The following MYCT1 variants were observed in gnomAD, a reference collection of about 807,000 sequenced individuals.
MYCT1 encodes the protein myc target protein 1.
A neutral mutation model predicts 15.0 loss-of-function variants in MYCT1; 12 were observed. The ratio of observed to expected loss-of-function variants is 0.80; its 90% CI spans 0.51 to 1.29. The LOEUF is 1.29. MYCT1 is among the 50% of genes most tolerant of loss of function. The pLI is 0.00. For synonymous variants in MYCT1, 104 were observed against 102.7 expected, an observed-to-expected ratio of 1.01 and a Z score of -0.07; for missense variants, 287 against 279.1, an observed-to-expected ratio of 1.03 and a Z score of -0.20.
At chr6:152,738,715 C>T in the MYCT1 span, among the ~76,000 whole-genome samples, 2,196 of 151,964 alleles carry the variant, frequency 0.014, 56 homozygotes, top group African/African-American at 0.05. Flanking sequence ...TTAAAAGAAA[C>T]AAAACAACCC....
At position 152,722,853 on chromosome 6, in the gene MYCT1, C is replaced by T. The variant is rs909172778; in HGVS notation, c.*600C>T. On this transcript the variant is annotated 3_prime_UTR_variant, in exon 2 of 2. Coordinates refer to ENST00000367245, the MANE Select transcript of MYCT1 (RefSeq NM_025107.3). ...TCCCAGGCTCAAGTAATCCTCCCAT[C>T]TTAGTGCCCCAAGTAGCTGGGACTA... 6 of 271,958 alleles carry T rather than the reference C, an allele frequency of 2.2e-5. No homozygotes were observed. Among genetic ancestry groups the T allele is most frequent in the African/African-American group, 1.1e-4 (5 of 44,050 alleles). 16.8% of individuals were successfully genotyped at this position (271,958 alleles called of 1,614,324 possible).
the MYCT1 span, among the ~76,000 whole-genome samples, chr6:152,738,804 T>C: frequency 6.6e-6 from 1 of 152,096 alleles, no homozygotes; most frequent in Non-Finnish European, 1.5e-5. Flanking sequence ...ACTGTTTTAA[T>C]GGTGAAAGAA....
In MYCT1 at chr6:152,722,424, C is replaced by T. The variant is rs2099724881; in HGVS notation, c.*171C>T. 1.6e-6 allele frequency: 1 copy of T among 612,748 alleles called. No homozygotes were observed. The allele number at this position is 612,748 out of a possible 1,614,324, so 38.0% of individuals were successfully genotyped here. On this transcript the variant is annotated 3_prime_UTR_variant, in exon 2 of 2. Transcript: ENST00000367245. ...CAATGTAAAACACATTTTCTTCAAA[C>T]ACGTTTTCCCTTTTGTTTCAAAAAA...
At chr6:152,731,956 C>T in the MYCT1 span, among the ~76,000 whole-genome samples, 2 of 151,990 alleles carry the variant, frequency 1.3e-5, no homozygotes, top group Non-Finnish European at 2.9e-5. Flanking sequence ...ACCATGTGGC[C>T]TCGGCTGCAG....
chr6:152,730,430 C>T, the MYCT1 span, among the ~76,000 whole-genome samples: 1 of 152,226 alleles, frequency 6.6e-6, no homozygotes, highest in African/African-American at 2.4e-5. Context: ...AGACATTGTA[C>T]TCCGCACAAT....
intron 1 of MYCT1, among the ~76,000 whole-genome samples, chr6:152,712,733 T>A (rs1034674955): frequency 2.6e-4 from 39 of 152,172 alleles, no homozygotes; most frequent in East Asian, 3.8e-4. Flanking sequence ...ACAGCTTTTT[T>A]AAAATCACTT....
intron 1 of MYCT1, among the ~76,000 whole-genome samples, chr6:152,717,253 T>C (rs751254006): frequency 6.6e-6 from 1 of 152,200 alleles, no homozygotes; most frequent in Non-Finnish European, 1.5e-5. Context: ...ATTTCTACAT[T>C]TGCCTTTGCT....
intron 1 of MYCT1, among the ~76,000 whole-genome samples, chr6:152,701,473 G>A (rs1474184635): frequency 1.3e-5 from 2 of 152,238 alleles, no homozygotes; most frequent in Non-Finnish European, 2.9e-5. Context: ...CAGCGTGAAA[G>A]TTTGATCTAA....
At chr6:152,736,259 A>G in the MYCT1 span, among the ~76,000 whole-genome samples, 1 of 152,202 alleles carries the variant, frequency 6.6e-6, no homozygotes, top group Non-Finnish European at 1.5e-5. Context: ...GAATTTTATC[A>G]TAAAAAGGAT....
At chr6:152,717,783 C>A (rs1311802440) in intron 1 of MYCT1, among the ~76,000 whole-genome samples, 2 of 152,056 alleles carry the variant, frequency 1.3e-5, no homozygotes, top group East Asian at 3.9e-4. Context: ...ATTTTACTGA[C>A]TTTATGGATT....
chr6:152,739,285 C>T, the MYCT1 span, among the ~76,000 whole-genome samples: 3 of 151,186 alleles, frequency 2.0e-5, no homozygotes, highest in Admixed American at 2.0e-4. Flanking sequence ...AAATTATAAT[C>T]TGCAATCAAT....
chr6:152,713,445 T>C (rs968970434), intron 1 of MYCT1, among the ~76,000 whole-genome samples: 7 of 152,152 alleles, frequency 4.6e-5, no homozygotes, highest in African/African-American at 1.7e-4. Context: ...TGTTTCTTCA[T>C]GTGCCCAGTA....
In MYCT1 at chr6:152,722,171, C is replaced by G. The variant is rs141121873; in HGVS notation, c.626C>G (p.Ser209Cys). The G allele has an allele frequency of 2.2e-5, 36 of 1,614,162 alleles. No homozygotes were observed. In the East Asian group the frequency reaches 7.6e-4, roughly 34 times the overall value. The change falls in exon 2 of 2, where the codon TCC (serine) becomes TGC (cysteine). Residue 209 changes from serine to cysteine, a missense_variant. Coordinates refer to ENST00000367245, the MANE Select transcript of MYCT1 (RefSeq NM_025107.3). Reference sequence around the variant, plus strand: ...AGTCTGAGCCGTCCTGACTACTGGTCCAGTAACAGTCTTCGAGTGGGCCTT... The same window carrying G: ...AGTCTGAGCCGTCCTGACTACTGGTGCAGTAACAGTCTTCGAGTGGGCCTT... The part of the protein sequence containing the change: ...SHSLSRPDYW[S>C]SNSLRVGLST...
chr6:152,736,281 C>T, the MYCT1 span, among the ~76,000 whole-genome samples: 123 of 152,124 alleles, frequency 8.1e-4, 1 homozygote, highest in African/African-American at 2.8e-3. Context: ...CTGTGTGATG[C>T]AATGAACAAA....
At chr6:152,740,654 CT>C in the MYCT1 span, among the ~76,000 whole-genome samples, 4 of 152,274 alleles carry the variant, frequency 2.6e-5, no homozygotes, top group East Asian at 5.8e-4. Context: ...CCAAAAGAGG[CT>C]CCAGTTTGTT....
intron 1 of MYCT1, among the ~76,000 whole-genome samples, chr6:152,707,259 T>C (rs1478584372): frequency 1.3e-5 from 2 of 152,108 alleles, no homozygotes; most frequent in Non-Finnish European, 2.9e-5. Context: ...TGAGTAGTTA[T>C]GTTGAGCATT....
At chr6:152,732,259 C>T in the MYCT1 span, among the ~76,000 whole-genome samples, 33 of 152,064 alleles carry the variant, frequency 2.2e-4, 1 homozygote, top group African/African-American at 7.2e-4. Context: ...AGAAGATCCT[C>T]GGCCTAACAG....
At chr6:152,713,635 T>A (rs548419988) in intron 1 of MYCT1, among the ~76,000 whole-genome samples, 1 of 152,168 alleles carries the variant, frequency 6.6e-6, no homozygotes, top group Non-Finnish European at 1.5e-5. Flanking sequence ...TTAGTTTATT[T>A]TTTTTTCTCT....
the MYCT1 span, among the ~76,000 whole-genome samples, chr6:152,744,852 G>T: frequency 6.6e-6 from 1 of 152,144 alleles, no homozygotes; most frequent in South Asian, 2.1e-4. Context: ...TGGGGGGAGA[G>T]CCTGTGGCGT....
Sources: gnomAD v4.1 joint callset for allele counts (sites outside exome capture counted in the v4.1 genomes callset) on GRCh38, gnomAD v4.1.1 for gene constraint, MANE v1.5 for transcripts, NCBI Gene and HGNC (gene_info 2026-07-23, HGNC 2026-07-21) for gene names.